Variants in MRPL30 observed in about 807,000 individuals in gnomAD.
MRPL30 encodes large ribosomal subunit protein uL30m.
A neutral mutation model predicts 17.2 loss-of-function variants in MRPL30; 10 were observed. The observed-to-expected ratio is 0.58, with a 90% CI of 0.36 to 0.99. The LOEUF (loss-of-function observed/expected upper bound fraction) is 0.99. MRPL30 is among the 50% of genes least tolerant of loss of function. MRPL30 has a pLI of 0.01. For missense variants in MRPL30, 170 were observed against 189.8 expected, an observed-to-expected ratio of 0.90 and a Z score of 0.61; for synonymous variants, 61 against 62.1, an observed-to-expected ratio of 0.98 and a Z score of 0.08.
At chr2:99,182,278 G>T (rs760823753) in intron 1 of MRPL30, among the ~76,000 whole-genome samples, 1 of 152,226 alleles carries the variant, frequency 6.6e-6, no homozygotes, top group South Asian at 2.1e-4. Flanking sequence ...ATTCCTTGCC[G>T]GGCGTGGTGG....
intron 1 of MRPL30, among the ~76,000 whole-genome samples, chr2:99,181,811 A>C (rs529004630): frequency 6.6e-6 from 1 of 152,288 alleles, no homozygotes; most frequent in Non-Finnish European, 1.5e-5. Flanking sequence ...ACTGCTTGTT[A>C]GGCACTAGGA....
chr2:99,195,113 C>T lies in MRPL30; in HGVS notation c.280-3C>T. On this transcript the variant is annotated splice_region_variant and splice_polypyrimidine_tract_variant and intron_variant, in intron 4 of 5. Transcript: ENST00000338148. ...AACGTTGCTTTGTTGTTGTTGTTCA[C>T]AGGCACATACCCCTCAAGTTCACAA... is the stretch of plus-strand genomic sequence containing the variant. 6.3e-7 allele frequency: 1 copy of T among 1,578,672 alleles called. No individual in the cohort carries two copies. The highest frequency in any genetic ancestry group is 2.0e-5 in the Admixed American group (1 of 49,498).
In MRPL30 at chr2:99,195,971, C is replaced by T. The variant is rs1004911203; in HGVS notation, c.*266C>T. The T allele has an allele frequency of 1.2e-5, 4 of 324,692 alleles. No individual in the cohort carries two copies. The highest frequency in any genetic ancestry group is 4.6e-5 in the African/African-American group (2 of 43,908). The allele number at this position is 324,692 out of a possible 1,614,324, so 20.1% of individuals were successfully genotyped here. On this transcript the variant is annotated 3_prime_UTR_variant, in exon 6 of 6. Coordinates refer to ENST00000338148, the MANE Select transcript of MRPL30 (RefSeq NM_145212.4). ...GTGGCACATGCCTGTAACCCAGCTA[C>T]TCGGGAGGCTGAAGCAGGAGAATCA...
At position 99,194,845 on chromosome 2, in the gene MRPL30, G is replaced by T; in HGVS notation, c.227G>T (p.Arg76Ile). The T allele has an allele frequency of 6.3e-7, 1 of 1,592,000 alleles. No homozygotes were observed. Among genetic ancestry groups the T allele is most frequent in the South Asian group, 1.2e-5 (1 of 86,116 alleles). Residue 76 changes from arginine to isoleucine, a missense_variant, in exon 4 of 6, where the codon AGA becomes ATA. Physicochemically the swap from Arg to Ile is moderately conservative, Grantham distance 97. Transcript: ENST00000338148. Reference sequence around the variant, plus strand: ...ATTGTTACCAGAATAAAAAGTACAAGAAGACGTCCATATTGGGAAAAAGAT... The same window carrying T: ...ATTGTTACCAGAATAAAAAGTACAATAAGACGTCCATATTGGGAAAAAGAT... ...LHIVTRIKST[R>I]RRPYWEKDII...
chr2:99,186,050 A>G, intron 1 of MRPL30, 127 bp from the exon 2 acceptor site: 2 of 621,144 alleles, frequency 3.2e-6, no homozygotes, highest in East Asian at 2.8e-5. Flanking sequence ...TTATATTAAA[A>G]TAACCAATAA....
chr2:99,181,232 A>G lies in MRPL30; in HGVS notation c.-45A>G. The G allele has an allele frequency of 2.1e-6, 1 of 472,824 alleles. No individual in the cohort carries two copies. Among genetic ancestry groups the G allele is most frequent in the Non-Finnish European group, 3.7e-6 (1 of 268,676 alleles). The allele number at this position is 472,824 out of a possible 1,614,324, so 29.3% of individuals were successfully genotyped here. A position where few individuals can be genotyped will look rare whatever the true frequency, so the allele number is the denominator to read the frequency against. On this transcript the variant is annotated 5_prime_UTR_variant, in exon 1 of 6. Transcript: ENST00000338148. ...CCCTTCGGAGGAAAATTTCAGGCTG[A>G]AGGTTTAGCGGGTGCCGGTGAGTGG...
At chr2:99,194,729 T>C (rs878872834) in intron 3 of MRPL30, 22 bp from the exon 4 acceptor site, 4 of 1,562,828 alleles carry the variant, frequency 2.6e-6, no homozygotes, top group South Asian at 1.2e-5. Flanking sequence ...AAATTTACCA[T>C]TTATAATTCT....
Position 99,195,133 on chromosome 2 carries a change from T to C in MRPL30, c.297T>C (p.Val99=). ...GTTCACAGGCACATACCCCTCAAGT[T>C]CACAAGAATATCCCTTCAGTGAATG... ...LGLEKAHTPQ[V]HKNIPSVNAK... is the part of the protein sequence containing the mutation. Residue 99 remains valine, a synonymous_variant, in exon 5 of 6, where the codon GTT becomes GTC. Transcript: ENST00000338148. 6.2e-7 allele frequency: 1 copy of C among 1,600,620 alleles called. No homozygotes were observed. Among genetic ancestry groups the C allele is most frequent in the South Asian group, 1.1e-5 (1 of 87,326 alleles).
In MRPL30 at chr2:99,198,902, T is replaced by C. The variant is rs1480040255; in HGVS notation, c.*3197T>C. Among the ~76,000 whole-genome samples the C allele has an allele frequency of 1.3e-5, 2 of 152,110 alleles. No homozygotes were observed. Among genetic ancestry groups the C allele is most frequent in the African/African-American group, 4.8e-5 (2 of 41,434 alleles). On this transcript the variant is annotated 3_prime_UTR_variant, in exon 6 of 6. Transcript: ENST00000338148. ...TGCAGTTCTCTTAGGGTCTCCTCAATCTAAAATTGTACCTCTTTCAGGCCA... is the reference window on the plus strand; with the variant it reads ...TGCAGTTCTCTTAGGGTCTCCTCAACCTAAAATTGTACCTCTTTCAGGCCA...
In MRPL30 at chr2:99,188,334, T is replaced by C. The variant is rs549550714; in HGVS notation, c.132+77T>C. 6 of 1,078,476 alleles carry C rather than the reference T, an allele frequency of 5.6e-6. No individual in the cohort carries two copies. The South Asian group carries it at 9.2e-5, about 17-fold the overall frequency. The allele number at this position is 1,078,476 out of a possible 1,614,324, so 66.8% of individuals were successfully genotyped here. On this transcript the variant is annotated intron_variant, in intron 3 of 5. Coordinates refer to ENST00000338148, the MANE Select transcript of MRPL30 (RefSeq NM_145212.4). Reference sequence around the variant, plus strand: ...TTAAGTGGTACCCGTTTTTGTAATATTGGAAGATTTTATGTTAAATTATAT... The same window carrying C: ...TTAAGTGGTACCCGTTTTTGTAATACTGGAAGATTTTATGTTAAATTATAT...
chr2:99,197,530 G>A lies in MRPL30; in HGVS notation c.*1825G>A, dbSNP rs967880175. On this transcript the variant is annotated 3_prime_UTR_variant, in exon 6 of 6. Transcript: ENST00000338148. Reference sequence around the variant, plus strand: ...TAACTTCTAAGAGCTCCGTCTAGTTGGAGAGAAACCTGTGTGCCACAACAT... The same window carrying A: ...TAACTTCTAAGAGCTCCGTCTAGTTAGAGAGAAACCTGTGTGCCACAACAT... 8 of 152,230 alleles carry A rather than the reference G, an allele frequency of 5.3e-5. No individual in the cohort carries two copies. Among genetic ancestry groups the A allele is most frequent in the African/African-American group, 1.9e-4 (8 of 41,470 alleles). 9.4% of individuals were successfully genotyped at this position (152,230 alleles called of 1,614,324 possible). A position where few individuals can be genotyped will look rare whatever the true frequency, so the allele number is the denominator to read the frequency against.
In MRPL30 at chr2:99,195,171, T is replaced by C; in HGVS notation, c.335T>C (p.Val112Ala). The change falls in exon 5 of 6, where the codon GTA (valine) becomes GCA (alanine). Residue 112 changes from valine (V) to alanine (A), a missense_variant. By Grantham distance (64) the Val-to-Ala change is moderately conservative. Transcript: ENST00000338148. ...CCTTCAGTGAATGCAAAATTGAAAG[T>C]AGTTAAGCATTTGATAAGGTTTGTT... is the stretch of plus-strand genomic sequence containing the variant. ...NIPSVNAKLK[V>A]VKHLIRIKPL... 6.2e-7 allele frequency: 1 copy of C among 1,607,974 alleles called. No individual in the cohort carries two copies. The highest frequency in any genetic ancestry group is 1.3e-5 in the African/African-American group (1 of 74,836).
At chr2:99,190,818 G>A (rs772920860) in intron 3 of MRPL30, among the ~76,000 whole-genome samples, 9 of 152,118 alleles carry the variant, frequency 5.9e-5, no homozygotes, top group Non-Finnish European at 8.8e-5. Flanking sequence ...ATACCTAGGT[G>A]ATGGGTTGAT....
intron 2 of MRPL30, among the ~76,000 whole-genome samples, chr2:99,187,552 G>C (rs985496573): frequency 6.6e-6 from 1 of 152,134 alleles, no homozygotes; most frequent in Non-Finnish European, 1.5e-5. Flanking sequence ...CCGGCTGGGC[G>C]CGGTGGCTCA....
intron 3 of MRPL30, among the ~76,000 whole-genome samples, chr2:99,191,030 C>T (rs1230517097): frequency 4.7e-5 from 7 of 148,082 alleles, no homozygotes; most frequent in Non-Finnish European, 8.9e-5. Flanking sequence ...TTTTTGGAGA[C>T]GGAGTCTCGC....
intron 3 of MRPL30, among the ~76,000 whole-genome samples, chr2:99,192,402 T>G (rs537714311): frequency 6.6e-6 from 1 of 152,280 alleles, no homozygotes; most frequent in African/African-American, 2.4e-5. Context: ...GCATTAGGTG[T>G]TTGTCCTAAT....
chr2:99,183,623 G>A (rs775779435), intron 1 of MRPL30, among the ~76,000 whole-genome samples: 1 of 152,048 alleles, frequency 6.6e-6, no homozygotes. Flanking sequence ...AGCATTGGAG[G>A]TTTTAATTTT....
At chr2:99,186,078 C>T in intron 1 of MRPL30, 99 bp from the exon 2 acceptor site, 1 of 709,822 alleles carries the variant, frequency 1.4e-6, no homozygotes, top group Non-Finnish European at 2.4e-6. Flanking sequence ...GTTAAGTTTA[C>T]AATTAATTTG....
chr2:99,192,143 C>T lies in MRPL30; in HGVS notation c.133-2608C>T, dbSNP rs542687818. The stretch of plus-strand genomic sequence containing the variant: ...TTTTTTCTTTTAGACTAGTCAAGTG[C>T]AGTAATGAGGAGGAAAGAGTAGAAT... On this transcript the variant is annotated intron_variant, in intron 3 of 5. Coordinates refer to ENST00000338148, the MANE Select transcript of MRPL30 (RefSeq NM_145212.4). 2.0e-5 allele frequency among the ~76,000 whole-genome samples: 3 copies of T among 152,090 alleles called. No individual in the cohort carries two copies. The South Asian group carries it at 6.2e-4, about 32-fold the overall frequency.
Sources: gnomAD v4.1 joint callset for allele counts (sites outside exome capture counted in the v4.1 genomes callset) on GRCh38, gnomAD v4.1.1 for gene constraint, MANE v1.5 for transcripts, NCBI Gene and HGNC (gene_info 2026-07-23, HGNC 2026-07-21) for gene names.